The following ROBO2 variants were observed in gnomAD, a reference collection of about 807,000 sequenced individuals.
ROBO2 encodes roundabout guidance receptor 2.
ROBO2 carries 53 observed loss-of-function variants against 160.8 expected under a neutral mutation model. The ratio of observed to expected loss-of-function variants is 0.33; its 90% CI spans 0.26 to 0.41. The LOEUF is 0.41. ROBO2 is among the 10% of genes least tolerant of loss of function. The pLI is 1.00. For synonymous variants in ROBO2, 664 were observed against 611.7 expected (o/e 1.09, Z -1.26); for missense variants, 1,577 against 1,722.4 (o/e 0.92, Z 1.49).
At chr3:77,425,033 G>A (rs1310263730) in intron 2 of ROBO2, among the ~76,000 whole-genome samples, 1 of 152,140 alleles carries the variant, frequency 6.6e-6, no homozygotes, top group East Asian at 1.9e-4. Flanking sequence ...ATATGACGTA[G>A]TATTTGAGTG....
In ROBO2 at chr3:75,916,784, A is replaced by G. The variant is rs192744546; in HGVS notation, c.-14+9824A>G. Among the ~76,000 whole-genome samples, 494 of 148,608 alleles carry G rather than the reference A, an allele frequency of 3.3e-3. 3 individuals carry two copies. Among genetic ancestry groups the G allele is most frequent in the African/African-American group, 0.012 (477 of 40,262 alleles). ...AATGGTTAAAAACACCTGTAAATGA[A>G]TAATTGATTTTGATTTAAATTCTCT... On this transcript the variant is annotated intron_variant, in intron 1 of 26. Transcript: ENST00000487694.
chr3:77,148,988 C>A (rs531165703), intron 2 of ROBO2, among the ~76,000 whole-genome samples: 9 of 151,434 alleles, frequency 5.9e-5, no homozygotes, highest in Non-Finnish European at 8.8e-5. Flanking sequence ...GTATTAAGAT[C>A]GCTACTAACC....
intron 1 of ROBO2, among the ~76,000 whole-genome samples, chr3:75,927,722 T>C (rs771478381): frequency 6.6e-5 from 10 of 152,214 alleles, no homozygotes; most frequent in Non-Finnish European, 1.3e-4. Context: ...CATGGCCACA[T>C]ACAATACAGA....
chr3:76,513,289 T>G (rs2081191935), intron 2 of ROBO2, among the ~76,000 whole-genome samples: 2 of 152,228 alleles, frequency 1.3e-5, no homozygotes, highest in South Asian at 4.1e-4. Flanking sequence ...AGCTTTGCCT[T>G]ACCCAGAATG....
intron 1 of ROBO2, among the ~76,000 whole-genome samples, chr3:77,055,147 C>T (rs942974731): frequency 2.0e-4 from 30 of 151,980 alleles, no homozygotes; most frequent in Non-Finnish European, 4.3e-4. Context: ...ACTACTTTTA[C>T]AGTTAATTTT....
At chr3:77,292,062 A>C (rs1489634181) in intron 2 of ROBO2, among the ~76,000 whole-genome samples, 1 of 104,172 alleles carries the variant, frequency 9.6e-6, no homozygotes, top group African/African-American at 3.3e-5. Context: ...GTAAGCTGAG[A>C]CTAGTTCACC....
intron 2 of ROBO2, among the ~76,000 whole-genome samples, chr3:76,774,814 C>CTTT (rs5850290): frequency 1.4e-5 from 2 of 145,838 alleles, no homozygotes. Flanking sequence ...AGAATATCCT[C>CTTT]TTTTTTTTTT....
chr3:76,716,078 T>C (rs191340678), intron 2 of ROBO2, among the ~76,000 whole-genome samples: 25 of 139,288 alleles, frequency 1.8e-4, no homozygotes, highest in African/African-American at 6.1e-4. Flanking sequence ...GCCAAATTTG[T>C]AAGACTTAAG....
At chr3:76,463,011 G>GT (rs930484434) in intron 2 of ROBO2, among the ~76,000 whole-genome samples, 3 of 150,054 alleles carry the variant, frequency 2.0e-5, no homozygotes, top group African/African-American at 7.6e-5. Context: ...CACTCACTTT[G>GT]CCCATCACCG....
chr3:76,097,797 A>T (rs182884419), intron 2 of ROBO2, among the ~76,000 whole-genome samples: 142 of 152,242 alleles, frequency 9.3e-4, no homozygotes, highest in African/African-American at 3.3e-3. Context: ...TTTTCTCCAG[A>T]ATATATTCTA....
chr3:77,613,841 C>T (rs1192223062), intron 21 of ROBO2, among the ~76,000 whole-genome samples: 1 of 152,034 alleles, frequency 6.6e-6, no homozygotes, highest in African/African-American at 2.4e-5. Flanking sequence ...CTGGAAATGA[C>T]ATAAGACTGC....
At chr3:77,240,462 T>TCTCCCTCCA (rs2088859088) in intron 2 of ROBO2, among the ~76,000 whole-genome samples, 13 of 151,968 alleles carry the variant, frequency 8.6e-5, no homozygotes, top group Admixed American at 8.5e-4. Context: ...TGCCCGCGCC[T>TCTCCCTCCA]CTCCCTCCAC....
At chr3:76,707,973 GAGA>G (rs1420000517) in intron 2 of ROBO2, among the ~76,000 whole-genome samples, 1 of 151,992 alleles carries the variant, frequency 6.6e-6, no homozygotes, top group Non-Finnish European at 1.5e-5. Flanking sequence ...GAGAGAAAAA[GAGA>G]AGATTTGTCT....
chr3:77,021,079 A>G (rs564347595), intron 2 of ROBO2, among the ~76,000 whole-genome samples: 1 of 152,152 alleles, frequency 6.6e-6, no homozygotes, highest in African/African-American at 2.4e-5. Flanking sequence ...GTGTGGTGGC[A>G]TACACCTGGG....
chr3:77,215,965 C>G (rs1237852571), intron 2 of ROBO2, among the ~76,000 whole-genome samples: 7 of 152,098 alleles, frequency 4.6e-5, no homozygotes, highest in Non-Finnish European at 7.3e-5. Flanking sequence ...GAGTACCCAG[C>G]CGTGTGAGGT....
chr3:76,072,270 T>G (rs969879283), intron 2 of ROBO2, among the ~76,000 whole-genome samples: 1 of 152,132 alleles, frequency 6.6e-6, no homozygotes, highest in Non-Finnish European at 1.5e-5. Flanking sequence ...TTTTTTTCCT[T>G]GAGGCATATC....
intron 2 of ROBO2, among the ~76,000 whole-genome samples, chr3:76,164,286 G>T (rs1200450809): frequency 1.3e-5 from 2 of 152,126 alleles, no homozygotes; most frequent in African/African-American, 4.8e-5. Flanking sequence ...CTGCAGTCTT[G>T]AAATCAACTT....
intron 2 of ROBO2, among the ~76,000 whole-genome samples, chr3:76,778,947 C>T (rs2062453276): frequency 6.6e-6 from 1 of 151,074 alleles, no homozygotes; most frequent in Non-Finnish European, 1.5e-5. Flanking sequence ...TTAGTACTCA[C>T]ACAATCAGCA....
chr3:76,299,010 T>G (rs1709226576), intron 2 of ROBO2, among the ~76,000 whole-genome samples: 1 of 152,214 alleles, frequency 6.6e-6, no homozygotes, highest in South Asian at 2.1e-4. Flanking sequence ...TTCACCCATT[T>G]GTTTAACAAA....
Sources: allele counts gnomAD v4.1 joint callset (sites outside exome capture counted in the v4.1 genomes callset), GRCh38; gene constraint gnomAD v4.1.1; transcripts MANE v1.5; gene names NCBI Gene and HGNC (gene_info 2026-07-23, HGNC 2026-07-21).